TPST1: variants seen among roughly 807,000 people sequenced by gnomAD.
TPST1 encodes protein-tyrosine sulfotransferase 1.
Under a neutral mutation model 34.8 loss-of-function variants are expected in TPST1, and 20 were observed. The observed-to-expected ratio is 0.57, with a 90% confidence interval of 0.40 to 0.84. TPST1 has a LOEUF of 0.84. Among genes scored for constraint, TPST1 ranks in the 40% least tolerant of loss-of-function variants. The pLI is 0.00. For synonymous variants in TPST1, 152 were observed against 159.4 expected, an observed-to-expected ratio of 0.95 and a Z score of 0.35; for missense variants, 353 against 455.5, an observed-to-expected ratio of 0.78 and a Z score of 2.05.
chr7:66,320,887 C>T lies in TPST1; in HGVS notation c.1045-31618C>T, dbSNP rs546803624. Among the ~76,000 whole-genome samples the T allele has an allele frequency of 2.3e-3, 356 of 152,306 alleles. 2 individuals carry two copies. Among genetic ancestry groups the T allele is most frequent in the Non-Finnish European group, 3.9e-3 (268 of 68,020 alleles). Reference sequence around the variant, plus strand: ...TGCTGGGATTACAGTTGTGAGCCACCGTGCCCGGCCTTGTTCATTTTTGTT... The same window carrying T: ...TGCTGGGATTACAGTTGTGAGCCACTGTGCCCGGCCTTGTTCATTTTTGTT... On this transcript the variant is annotated intron_variant, in intron 3 of 5. Transcript: ENST00000304842.
chr7:66,244,099 C>T (rs944413220), intron 2 of TPST1, among the ~76,000 whole-genome samples: 2 of 151,528 alleles, frequency 1.3e-5, no homozygotes, highest in African/African-American at 4.9e-5. Context: ...TAGGTGCCCC[C>T]CACCACGCCC....
chr7:66,344,290 T>A (rs1387898263), intron 3 of TPST1: 1 of 152,028 alleles, frequency 6.6e-6, no homozygotes, highest in African/African-American at 2.4e-5. Flanking sequence ...AGTTACAAAA[T>A]TATATATATT....
rs71051344 is a variant in TPST1, at chr7:66,215,775, CT to C, written c.-102+10268del. 6.3e-3 allele frequency among the ~76,000 whole-genome samples: 210 copies of C among 33,570 alleles called. 2 individuals carry two copies. The highest frequency in any genetic ancestry group is 9.0e-3 in the Non-Finnish European group (147 of 16,356). 22.0% of individuals were successfully genotyped at this position (33,570 alleles called of 152,430 possible). On this transcript the variant is annotated intron_variant, in intron 1 of 5. Coordinates refer to ENST00000304842, the MANE Select transcript of TPST1 (RefSeq NM_003596.4). The stretch of plus-strand genomic sequence containing the variant: ...CTTGTCCTGGTTTTTCTTTTTCTTT[CT>C]TTTTTTTTTTTTTTGAGACGGAGTC...
intron 2 of TPST1, among the ~76,000 whole-genome samples, chr7:66,275,119 G>A (rs774860845): frequency 6.6e-6 from 1 of 152,094 alleles, no homozygotes; most frequent in South Asian, 2.1e-4. Flanking sequence ...GCGTGAACCC[G>A]GGAGGCAGAG....
intron 2 of TPST1, among the ~76,000 whole-genome samples, chr7:66,259,804 G>C (rs1938289267): frequency 6.6e-6 from 1 of 152,004 alleles, no homozygotes; most frequent in Non-Finnish European, 1.5e-5. Flanking sequence ...TTCACTCTTG[G>C]CATTGTATAT....
chr7:66,334,989 A>G (rs951775079), intron 3 of TPST1, among the ~76,000 whole-genome samples: 1 of 152,154 alleles, frequency 6.6e-6, no homozygotes, highest in African/African-American at 2.4e-5. Flanking sequence ...AGCAACTAGT[A>G]TATGGATCTT....
At chr7:66,199,567 T>A in the TPST1 span, among the ~76,000 whole-genome samples, 1 of 151,894 alleles carries the variant, frequency 6.6e-6, no homozygotes, top group Non-Finnish European at 1.5e-5. Flanking sequence ...ATTCTGGGAT[T>A]ACAGTCGTGA....
chr7:66,315,219 A>C (rs1156782178), intron 3 of TPST1, among the ~76,000 whole-genome samples: 1 of 152,270 alleles, frequency 6.6e-6, no homozygotes, highest in Non-Finnish European at 1.5e-5. Context: ...GGAATGGTGA[A>C]GCACCCAGTA....
At chr7:66,246,945 G>C (rs1472139918) in intron 2 of TPST1, among the ~76,000 whole-genome samples, 2 of 152,202 alleles carry the variant, frequency 1.3e-5, no homozygotes. Context: ...TGGATATTGG[G>C]ATAGGCAGAT....
At chr7:66,324,361 T>C (rs1791818208) in intron 3 of TPST1, among the ~76,000 whole-genome samples, 1 of 152,182 alleles carries the variant, frequency 6.6e-6, no homozygotes, top group African/African-American at 2.4e-5. Flanking sequence ...TCAATCTGTG[T>C]TTACTCCATA....
chr7:66,325,855 C>G (rs1312656585), intron 3 of TPST1, among the ~76,000 whole-genome samples: 1 of 152,102 alleles, frequency 6.6e-6, no homozygotes, highest in Non-Finnish European at 1.5e-5. Context: ...AGGCTGGTCT[C>G]GAACTCCTGA....
intron 1 of TPST1, among the ~76,000 whole-genome samples, chr7:66,227,027 G>GTTTT (rs1390977469): frequency 2.2e-5 from 1 of 46,030 alleles, no homozygotes; most frequent in African/African-American, 1.1e-4. Flanking sequence ...CTTAAAATAA[G>GTTTT]CTTTTTTTTT....
At chr7:66,233,457 C>CAA (rs1789840805) in intron 1 of TPST1, among the ~76,000 whole-genome samples, 1 of 152,184 alleles carries the variant, frequency 6.6e-6, no homozygotes, top group Non-Finnish European at 1.5e-5. Context: ...GCTGAGAAGA[C>CAA]TCTTATTTCC....
chr7:66,352,275 A>G (rs1399766351), intron 3 of TPST1, among the ~76,000 whole-genome samples: 2 of 152,244 alleles, frequency 1.3e-5, no homozygotes, highest in African/African-American at 4.8e-5. Context: ...TCTCCTAGCC[A>G]GCCCACATTT....
intron 2 of TPST1, among the ~76,000 whole-genome samples, chr7:66,256,520 G>A (rs1206783172): frequency 6.6e-6 from 1 of 152,178 alleles, no homozygotes; most frequent in East Asian, 1.9e-4. Flanking sequence ...TCTGTCTTAG[G>A]TGGAGGGCCT....
At chr7:66,240,087 C>G (rs550193306) in intron 1 of TPST1, among the ~76,000 whole-genome samples, 91 of 152,078 alleles carry the variant, frequency 6.0e-4, no homozygotes, top group African/African-American at 2.2e-3. Flanking sequence ...TGGGGTTTCA[C>G]CGTGTTGGCC....
rs758471610 is a variant in TPST1, at chr7:66,240,679, T to C, written c.254T>C (p.Met85Thr). 4.3e-6 allele frequency: 7 copies of C among 1,614,074 alleles called. No homozygotes were observed. In the East Asian group the frequency reaches 8.9e-5, roughly 21 times the overall value. The change falls in exon 2 of 6, where the codon ATG becomes ACG. Residue 85 changes from methionine (M) to threonine (T), a missense_variant. Met to Thr is a moderately conservative substitution (Grantham distance 81). Coordinates refer to ENST00000304842, the MANE Select transcript of TPST1 (RefSeq NM_003596.4). The part of the protein sequence containing the change: ...GGVPRSGTTL[M>T]RAMLDAHPDI... ...GTGCCTCGGAGTGGAACCACACTCA[T>C]GAGGGCCATGCTGGACGCACATCCT...
chr7:66,263,412 G>C (rs1790527857), intron 2 of TPST1, among the ~76,000 whole-genome samples: 2 of 152,080 alleles, frequency 1.3e-5, no homozygotes, highest in South Asian at 4.1e-4. Flanking sequence ...TGGCCTAATT[G>C]CTCAGTTTCT....
rs532276187 is a variant in TPST1, at chr7:66,353,955, C to T, written c.1095+1400C>T. Among the ~76,000 whole-genome samples the T allele has an allele frequency of 1.2e-4, 18 of 152,278 alleles. No homozygotes were observed. In the South Asian group the frequency reaches 3.1e-3, roughly 26 times the overall value. On this transcript the variant is annotated intron_variant, in intron 4 of 5. Coordinates refer to ENST00000304842, the MANE Select transcript of TPST1 (RefSeq NM_003596.4). ...TGACCCTTTTCTGAAAACACTTAGC[C>T]GCCAGTAATTGATACATATGACTTG...
Sources: gnomAD v4.1 joint callset for allele counts (sites outside exome capture counted in the v4.1 genomes callset) on GRCh38, gnomAD v4.1.1 for gene constraint, MANE v1.5 for transcripts, NCBI Gene and HGNC (gene_info 2026-07-23, HGNC 2026-07-21) for gene names.